APBB2: variants seen among roughly 807,000 people sequenced by gnomAD.
The protein encoded by APBB2 is amyloid beta precursor protein binding family B member 2.
In APBB2, 38 loss-of-function variants were observed where a neutral mutation model predicts 82.5. The observed-to-expected ratio is 0.46, with a 90% CI of 0.36 to 0.60. The LOEUF is 0.60. APBB2 is among the 20% of genes least tolerant of loss of function. The probability of loss-of-function intolerance (pLI) is 0.00; values close to 1 mark genes in which losing one functional copy is unlikely to be tolerated. For synonymous variants in APBB2, 341 were observed against 368.2 expected, an observed-to-expected ratio of 0.93 and a Z score of 0.85; for missense variants, 772 against 972.3, an observed-to-expected ratio of 0.79 and a Z score of 2.74.
At chr4:41,096,281 G>A (rs1743427831) in intron 3 of APBB2, among the ~76,000 whole-genome samples, 1 of 152,130 alleles carries the variant, frequency 6.6e-6, no homozygotes, top group African/African-American at 2.4e-5. Flanking sequence ...TAATTGGAAG[G>A]CTGACTCAAA....
chr4:40,982,392 A>AAGG (rs1276259648), intron 6 of APBB2, among the ~76,000 whole-genome samples: 501 of 16,978 alleles, frequency 0.03, 42 homozygotes, highest in East Asian at 0.26. Flanking sequence ...GGAAGGAAGG[A>AAGG]AAGGAAAGGA....
chr4:41,136,986 C>G (rs923142245), intron 2 of APBB2, among the ~76,000 whole-genome samples: 5 of 152,082 alleles, frequency 3.3e-5, no homozygotes, highest in African/African-American at 1.2e-4. Context: ...CTTCACATTT[C>G]TAATATAATT....
rs139572128 is a variant in APBB2, at chr4:41,047,012, A to G, written c.-50-13708T>C. Among the ~76,000 whole-genome samples the G allele has an allele frequency of 3.4e-4, 52 of 152,360 alleles. No homozygotes were observed. In the East Asian group the frequency reaches 8.9e-3, roughly 26 times the overall value. On this transcript the variant is annotated intron_variant, in intron 4 of 17. Transcript: ENST00000508593. ...CCCCTAGCCTGCCTTGGTAGTGAGAACAGTTGAGATAAAGAGGAAAATCTC... is the reference window on the plus strand; with the variant it reads ...CCCCTAGCCTGCCTTGGTAGTGAGAGCAGTTGAGATAAAGAGGAAAATCTC...
At position 40,814,827 on chromosome 4, in the gene APBB2, T is replaced by A. The variant is rs1433709739; in HGVS notation, c.*1265A>T. ...CTGTTTTGGGAAACTTGTTAAACAG[T>A]CCATTACTCCTGTGTAGACTTTGCT... On this transcript the variant is annotated 3_prime_UTR_variant, in exon 18 of 18. Coordinates refer to ENST00000508593, the MANE Select transcript of APBB2 (RefSeq NM_004307.2). 2 of 152,192 alleles carry A rather than the reference T, an allele frequency of 1.3e-5. No individual in the cohort carries two copies. The highest frequency in any genetic ancestry group is 4.8e-5 in the African/African-American group (2 of 41,438). 9.4% of individuals were successfully genotyped at this position (152,192 alleles called of 1,614,324 possible). A position where few individuals can be genotyped will look rare whatever the true frequency, so the allele number is the denominator to read the frequency against.
chr4:40,992,629 G>C (rs1429302475), intron 6 of APBB2, among the ~76,000 whole-genome samples: 1 of 152,166 alleles, frequency 6.6e-6, no homozygotes, highest in East Asian at 1.9e-4. Context: ...ATTGTTCAAT[G>C]AGGTGTGTGA....
intron 12 of APBB2, among the ~76,000 whole-genome samples, chr4:40,844,382 T>A (rs1756896086): frequency 6.6e-6 from 1 of 152,132 alleles, no homozygotes; most frequent in African/African-American, 2.4e-5. Context: ...GGACGACACG[T>A]GTATGGGAGT....
At chr4:40,890,622 A>G (rs1771725181) in intron 11 of APBB2, 131 bp from the exon 12 acceptor site, 1 of 1,227,870 alleles carries the variant, frequency 8.1e-7, no homozygotes, top group Non-Finnish European at 1.1e-6. Flanking sequence ...TTGTCTGCCT[A>G]AGAAACTTCC....
chr4:40,976,101 A>G (rs540787539), intron 6 of APBB2, among the ~76,000 whole-genome samples: 1 of 152,334 alleles, frequency 6.6e-6, no homozygotes, highest in African/African-American at 2.4e-5. Context: ...ATACAAACTC[A>G]TAAAATATTA....
chr4:41,025,944 CAAAAAAAAA>C (rs71198626), intron 5 of APBB2, among the ~76,000 whole-genome samples: 1 of 68,278 alleles, frequency 1.5e-5, no homozygotes, highest in South Asian at 5.1e-4. Flanking sequence ...TCCATCTCCA[CAAAAAAAAA>C]AAAAAAAAAA....
intron 4 of APBB2, among the ~76,000 whole-genome samples, chr4:41,057,313 T>C (rs922009378): frequency 6.6e-6 from 1 of 152,086 alleles, no homozygotes; most frequent in African/African-American, 2.4e-5. Flanking sequence ...TAGCTGGGTG[T>C]GGTGGTGGGC....
At chr4:41,075,168 A>G (rs1372249209) in intron 3 of APBB2, among the ~76,000 whole-genome samples, 2 of 152,200 alleles carry the variant, frequency 1.3e-5, no homozygotes, top group African/African-American at 4.8e-5. Flanking sequence ...AGATTCCCCT[A>G]TATTCATTCA....
At chr4:40,992,368 G>GA (rs560945144) in intron 6 of APBB2, among the ~76,000 whole-genome samples, 13,620 of 146,098 alleles carry the variant, frequency 0.093, 789 homozygotes, top group Admixed American at 0.15. Context: ...AGATGGGGGG[G>GA]GGTCTTTCTA....
At chr4:41,187,339 AAAGAT>A (rs771865308) in intron 1 of APBB2, among the ~76,000 whole-genome samples, 1 of 152,218 alleles carries the variant, frequency 6.6e-6, no homozygotes, top group Non-Finnish European at 1.5e-5. Flanking sequence ...TAACATGAAA[AAAGAT>A]AAGAGTCTTT....
chr4:41,028,971 T>C (rs1715588352), intron 5 of APBB2, among the ~76,000 whole-genome samples: 1 of 152,232 alleles, frequency 6.6e-6, no homozygotes, highest in Non-Finnish European at 1.5e-5. Context: ...TTGTGAGTAA[T>C]GACAAGAACT....
chr4:41,178,069 G>A (rs1770310758), intron 1 of APBB2, among the ~76,000 whole-genome samples: 1 of 152,076 alleles, frequency 6.6e-6, no homozygotes, highest in Non-Finnish European at 1.5e-5. Context: ...AACACTTTAT[G>A]CTAAACAACT....
chr4:40,825,417 AG>A (rs1229214291), intron 15 of APBB2, among the ~76,000 whole-genome samples: 1 of 152,184 alleles, frequency 6.6e-6, no homozygotes, highest in Non-Finnish European at 1.5e-5. Context: ...GGCTTGGTAT[AG>A]CCCAGCAACT....
chr4:40,939,408 C>T (rs1188251586), intron 7 of APBB2, among the ~76,000 whole-genome samples: 3 of 152,248 alleles, frequency 2.0e-5, no homozygotes, highest in Non-Finnish European at 4.4e-5. Flanking sequence ...AGTTTCCTTA[C>T]GATCTAGTCT....
At chr4:41,140,701 G>A (rs1034778591) in intron 2 of APBB2, among the ~76,000 whole-genome samples, 3 of 152,308 alleles carry the variant, frequency 2.0e-5, no homozygotes, top group African/African-American at 4.8e-5. Context: ...GGTCTCCATC[G>A]CTCACGTTAC....
At chr4:41,014,438 A>G in intron 5 of APBB2, 40 bp from the exon 6 acceptor site, 1 of 1,555,418 alleles carries the variant, frequency 6.4e-7, no homozygotes, top group East Asian at 2.3e-5. Context: ...GCCATGATTA[A>G]ACTACTTAGT....
Sources: gnomAD v4.1 joint callset for allele counts (sites outside exome capture counted in the v4.1 genomes callset) on GRCh38, gnomAD v4.1.1 for gene constraint, MANE v1.5 for transcripts, NCBI Gene and HGNC (gene_info 2026-07-23, HGNC 2026-07-21) for gene names.